The following NOD2 variants were observed in gnomAD, a reference collection of about 807,000 sequenced individuals.
NOD2 encodes nucleotide-binding oligomerization domain-containing protein 2.
NOD2 carries 86 observed loss-of-function variants against 90.9 expected under a neutral mutation model. That is an observed-to-expected ratio of 0.95 (90% CI 0.79 to 1.13). The LOEUF (loss-of-function observed/expected upper bound fraction) is 1.13. Among genes scored for constraint, NOD2 ranks in the 50% most tolerant of loss-of-function variants. The pLI, the probability that NOD2 is intolerant of heterozygous loss-of-function variation, is 0.00. For missense variants in NOD2, 1,238 were observed against 1,283.8 expected, an observed-to-expected ratio of 0.96 and a Z score of 0.55; for synonymous variants, 581 against 554.6, an observed-to-expected ratio of 1.05 and a Z score of -0.67.
chr16:50,724,387 T>C (rs916054314), intron 9 of NOD2, among the ~76,000 whole-genome samples: 1 of 152,236 alleles, frequency 6.6e-6, no homozygotes, highest in Admixed American at 6.5e-5. Flanking sequence ...AGAAAAACTT[T>C]AGGCAAATTA....
At chr16:50,722,770 C>T in intron 8 of NOD2, 65 bp downstream of exon 8, 4 of 1,451,498 alleles carry the variant, frequency 2.8e-6, no homozygotes, top group Non-Finnish European at 3.9e-6. Flanking sequence ...GGAGCTGGGG[C>T]CAGTTCTGAA....
At chr16:50,725,717 G>A (rs1351330439) in intron 10 of NOD2, 145 bp downstream of exon 10, 1 of 708,546 alleles carries the variant, frequency 1.4e-6, no homozygotes, top group Admixed American at 2.0e-5. Context: ...AGGTGGACAA[G>A]GATTCCAGTG....
chr16:50,697,416 T>C, intron 1 of NOD2: 1 of 1,128,856 alleles, frequency 8.9e-7, no homozygotes, highest in Non-Finnish European at 1.3e-6. Context: ...TGGGGAGTGC[T>C]GACTCTGTTT....
chr16:50,728,777 G>A (rs1415130671), intron 10 of NOD2, among the ~76,000 whole-genome samples: 2 of 152,152 alleles, frequency 1.3e-5, no homozygotes, highest in Non-Finnish European at 2.9e-5. Context: ...GGAAACACAT[G>A]ACTCCTCTGT....
At chr16:50,697,499 G>A (rs1362037168) in intron 1 of NOD2, 1 of 682,954 alleles carries the variant, frequency 1.5e-6, no homozygotes, top group Non-Finnish European at 2.7e-6. Flanking sequence ...AATGGTGGGG[G>A]CCGCTGTCGC....
In NOD2 at chr16:50,711,495, A is replaced by C; in HGVS notation, c.1503A>C (p.Pro501=). 1 of 1,613,326 alleles carries C rather than the reference A, an allele frequency of 6.2e-7. No individual in the cohort carries two copies. The highest frequency in any genetic ancestry group is 8.5e-7 in the Non-Finnish European group (1 of 1,179,952). Residue 501 remains proline (P), a synonymous_variant, in exon 4 of 12, where the codon CCA becomes CCC. Coordinates refer to ENST00000647318, the MANE Select transcript of NOD2 (RefSeq NM_001370466.1). The stretch of plus-strand genomic sequence containing the variant: ...ATTTTCTGCTGCATGCCACCCCCCC[A>C]GACTCAGCTTCCCAAGGTCTGGGAC... The part of the protein sequence containing the change: ...LQHFLLHATP[P]DSASQGLGPS...
rs749720540 is a variant in NOD2, at chr16:50,712,168, C to A, written c.2176C>A (p.Arg726=). 1 of 1,613,970 alleles carries A rather than the reference C, an allele frequency of 6.2e-7. No individual in the cohort carries two copies. Among genetic ancestry groups the A allele is most frequent in the Non-Finnish European group, 8.5e-7 (1 of 1,180,042 alleles). The stretch of plus-strand genomic sequence containing the variant: ...GAGCCTGTACGAGATGCAGGAGGAG[C>A]GGCTGGCTCGGAAGGCTGCACGTGG... ...IRSLYEMQEE[R]LARKAARGLN... The change falls in exon 4 of 12, where the codon CGG becomes AGG. Residue 726 remains arginine, a synonymous_variant. Coordinates refer to ENST00000647318, the MANE Select transcript of NOD2 (RefSeq NM_001370466.1).
chr16:50,707,173 AT>A (rs1964234565), intron 2 of NOD2, among the ~76,000 whole-genome samples: 1 of 152,220 alleles, frequency 6.6e-6, no homozygotes, highest in African/African-American at 2.4e-5. Flanking sequence ...CCTGCATTTC[AT>A]TTCTGTGGAA....
rs76721226 is a variant in NOD2, at chr16:50,723,734, G to A, written c.2801+350G>A. Among the ~76,000 whole-genome samples, 87 of 152,156 alleles carry A rather than the reference G, an allele frequency of 5.7e-4. No homozygotes were observed. The East Asian group carries it at 0.011, about 20-fold the overall frequency. On this transcript the variant is annotated intron_variant, in intron 9 of 11. Coordinates refer to ENST00000647318, the MANE Select transcript of NOD2 (RefSeq NM_001370466.1). Reference sequence around the variant, plus strand: ...TCAAGTTTCATGTCTGTAAAATGAGGGTAAGAATACTTCCAACCATAAAGG... The same window carrying A: ...TCAAGTTTCATGTCTGTAAAATGAGAGTAAGAATACTTCCAACCATAAAGG...
rs367883043 is a variant in NOD2, at chr16:50,711,169, C to T, written c.1177C>T (p.Arg393Cys). Residue 393 changes from arginine to cysteine, a missense_variant, in exon 4 of 12, where the codon CGC becomes TGC. Arg to Cys is a radical substitution (Grantham distance 180, BLOSUM62 -3). Coordinates refer to ENST00000647318, the MANE Select transcript of NOD2 (RefSeq NM_001370466.1). ...LLQGNLLKNA[R>C]KVVTSRPAAV... Reference sequence around the variant, plus strand: ...GCAGGGCAACCTGCTGAAGAATGCCCGCAAGGTGGTGACCAGCCGTCCGGC... The same window carrying T: ...GCAGGGCAACCTGCTGAAGAATGCCTGCAAGGTGGTGACCAGCCGTCCGGC... 3.2e-5 allele frequency: 51 copies of T among 1,614,030 alleles called. No individual in the cohort carries two copies. Among genetic ancestry groups the T allele is most frequent in the African/African-American group, 1.5e-4 (11 of 74,944 alleles).
chr16:50,704,060 G>A lies in NOD2; in HGVS notation c.460-3795G>A, dbSNP rs138544617. Among the ~76,000 whole-genome samples, 368 of 152,306 alleles carry A rather than the reference G, an allele frequency of 2.4e-3. 2 individuals are homozygous for A. Among genetic ancestry groups the A allele is most frequent in the Non-Finnish European group, 2.7e-3 (182 of 68,018 alleles). ...AATGTCCTCAGCTGACTGAGGCAGC[G>A]GGAGTTGAAAAGAAACGATATTAGT... On this transcript the variant is annotated intron_variant, in intron 2 of 11. Transcript: ENST00000647318.
Position 50,711,600 on chromosome 16 carries a change from C to T in NOD2, c.1608C>T (p.Tyr536=), listed in dbSNP as rs111608429. ...LALWGLGMCC[Y]VFSAQQLQAA... ...TGTGGGGCCTGGGCATGTGCTGCTA[C>T]GTGTTCTCAGCCCAGCAGCTCCAGG... is the stretch of plus-strand genomic sequence containing the variant. The change falls in exon 4 of 12, where the codon TAC becomes TAT. Residue 536 remains tyrosine, a synonymous_variant. Transcript: ENST00000647318. The T allele has an allele frequency of 1.6e-4, 253 of 1,611,536 alleles. 1 individual carries two copies. Among genetic ancestry groups the T allele is most frequent in the South Asian group, 2.7e-4 (25 of 91,078 alleles).
At chr16:50,697,161 G>C in intron 1 of NOD2, 1 of 1,177,502 alleles carries the variant, frequency 8.5e-7, no homozygotes, top group Non-Finnish European at 1.2e-6. Flanking sequence ...AGGCTCACCA[G>C]TCCTGTGCCA....
intron 2 of NOD2, 148 bp downstream of exon 2, chr16:50,700,102 C>T: frequency 2.8e-6 from 2 of 705,262 alleles, no homozygotes; most frequent in Non-Finnish European, 2.5e-6. Context: ...AAAATTTGCT[C>T]TTGACTCTTG....
chr16:50,716,531 A>AT lies in NOD2; in HGVS notation c.2382-49dup, dbSNP rs894680254. On this transcript the variant is annotated intron_variant, in intron 4 of 11. Transcript: ENST00000647318. ...GAAAGTCTTTTTGGGGGATTTGTAG[A>AT]TTTTTTTCTTGTCTTACTAGCTCCA... 96 of 1,504,452 alleles carry AT rather than the reference A, an allele frequency of 6.4e-5. 1 individual carries two copies. In the Admixed American group the frequency reaches 8.2e-4, roughly 13 times the overall value. 93.2% of individuals were successfully genotyped at this position (1,504,452 alleles called of 1,614,324 possible). A position where few individuals can be genotyped will look rare whatever the true frequency, so the allele number is the denominator to read the frequency against.
chr16:50,712,638 G>A (rs1427558455), intron 4 of NOD2: 2 of 539,672 alleles, frequency 3.7e-6, no homozygotes, highest in South Asian at 2.1e-5. Flanking sequence ...ACCCTGGCGG[G>A]TAGGCAGGAA....
intron 3 of NOD2, among the ~76,000 whole-genome samples, chr16:50,709,385 C>G (rs753218339): frequency 9.1e-4 from 139 of 152,254 alleles, no homozygotes; most frequent in Non-Finnish European, 1.6e-3. Flanking sequence ...GCTGTGATGG[C>G]GGGGGACCAT....
chr16:50,703,609 G>A (rs1964040288), intron 2 of NOD2, among the ~76,000 whole-genome samples: 1 of 151,374 alleles, frequency 6.6e-6, no homozygotes, highest in South Asian at 2.1e-4. Flanking sequence ...GCTTGAACCC[G>A]GGAGGCAGAG....
At chr16:50,721,118 T>A (rs1440095447) in intron 7 of NOD2, among the ~76,000 whole-genome samples, 2 of 152,064 alleles carry the variant, frequency 1.3e-5, no homozygotes, top group South Asian at 4.1e-4. Context: ...AAGCTCAGTT[T>A]GAGCCACAAA....
Sources: allele counts gnomAD v4.1 joint callset (sites outside exome capture counted in the v4.1 genomes callset), GRCh38; gene constraint gnomAD v4.1.1; transcripts MANE v1.5; gene names NCBI Gene and HGNC (gene_info 2026-07-23, HGNC 2026-07-21).